STK35: variants seen among roughly 807,000 people sequenced by gnomAD.
The protein encoded by STK35 is serine/threonine-protein kinase 35.
In STK35, 17 loss-of-function variants were observed where a neutral mutation model predicts 37.3. The ratio of observed to expected loss-of-function variants is 0.46; its 90% CI spans 0.31 to 0.68. The LOEUF (loss-of-function observed/expected upper bound fraction) is 0.68, where lower values mean the gene tolerates loss of function less well. Ranked by LOEUF, STK35 falls within the 30% of genes least tolerant of loss-of-function variation. The pLI, the probability that STK35 is intolerant of heterozygous loss-of-function variation, is 0.05. For synonymous variants in STK35, 385 were observed against 319.1 expected, an observed-to-expected ratio of 1.21 and a Z score of -2.20; for missense variants, 595 against 746.7, an observed-to-expected ratio of 0.80 and a Z score of 2.37.
intron 3 of STK35, among the ~76,000 whole-genome samples, chr20:2,122,478 T>C (rs1985836397): frequency 6.6e-6 from 1 of 152,092 alleles, no homozygotes; most frequent in African/African-American, 2.4e-5. Flanking sequence ...TTTGCAAAAA[T>C]AAAAGGAAAT....
At chr20:2,127,771 G>A (rs543233585) in intron 3 of STK35, among the ~76,000 whole-genome samples, 20 of 152,226 alleles carry the variant, frequency 1.3e-4, no homozygotes, top group Middle Eastern at 3.4e-3. Context: ...GACAACAGCC[G>A]TCGTGATAAT....
At chr20:2,103,389 A>T in intron 2 of STK35, 24 bp downstream of exon 2, 1 of 1,597,538 alleles carries the variant, frequency 6.3e-7, no homozygotes, top group Non-Finnish European at 8.5e-7. Flanking sequence ...GGGCCTTTCC[A>T]CCCACGCAGG....
In STK35 at chr20:2,148,250, G is replaced by A; in HGVS notation, c.*4504G>A. On this transcript the variant is annotated 3_prime_UTR_variant, in exon 4 of 4. Transcript: ENST00000381482. ...ACTTCTTAAACATTTGTGTGGGACA[G>A]ACGAGCGTGAGGGAGGTTTTAAGCC... The A allele has an allele frequency of 6.5e-6, 1 of 152,674 alleles. No homozygotes were observed. Among genetic ancestry groups the A allele is most frequent in the East Asian group, 1.9e-4 (1 of 5,198 alleles). The allele number at this position is 152,674 out of a possible 1,614,324, so 9.5% of individuals were successfully genotyped here.
intron 3 of STK35, among the ~76,000 whole-genome samples, chr20:2,123,176 G>A (rs532603523): frequency 3.3e-5 from 5 of 152,268 alleles, no homozygotes; most frequent in Admixed American, 2.0e-4. Flanking sequence ...CAAAGCCCTC[G>A]AATGACGTCT....
At chr20:2,127,795 C>G (rs1035992555) in intron 3 of STK35, among the ~76,000 whole-genome samples, 1 of 152,190 alleles carries the variant, frequency 6.6e-6, no homozygotes, top group African/African-American at 2.4e-5. Flanking sequence ...AGACTCGCTC[C>G]TGCTCTTAGA....
chr20:2,102,989 C>T lies in STK35; in HGVS notation c.516C>T (p.Ala172=), dbSNP rs1985434203. 7 of 1,420,452 alleles carry T rather than the reference C, an allele frequency of 4.9e-6. No individual in the cohort carries two copies. Among genetic ancestry groups the T allele is most frequent in the South Asian group, 1.5e-5 (1 of 67,832 alleles). 88.0% of individuals were successfully genotyped at this position (1,420,452 alleles called of 1,614,324 possible). ...TGAGGCCGGCGGCGGCGGCCCGGGC[C>T]ATGGATCCGGTGGCGGCCGAGGCCC... ...TKLRPAAAAR[A]MDPVAAEAPG... The change falls in exon 2 of 4, where the codon GCC becomes GCT. Residue 172 remains alanine, a synonymous_variant. Coordinates refer to ENST00000381482, the MANE Select transcript of STK35 (RefSeq NM_080836.4).
chr20:2,120,584 CAG>C (rs1425890437), intron 3 of STK35, among the ~76,000 whole-genome samples: 1 of 152,178 alleles, frequency 6.6e-6, no homozygotes, highest in African/African-American at 2.4e-5. Flanking sequence ...TCTGGCTGGT[CAG>C]AGAATCTGAG....
rs924961698 is a variant in STK35, at chr20:2,147,548, C to G, written c.*3802C>G. 2 of 152,192 alleles carry G rather than the reference C, an allele frequency of 1.3e-5. No individual in the cohort carries two copies. Among genetic ancestry groups the G allele is most frequent in the African/African-American group, 4.8e-5 (2 of 41,394 alleles). 9.4% of individuals were successfully genotyped at this position (152,192 alleles called of 1,614,324 possible). Reference sequence around the variant, plus strand: ...AAAAGCAGGAGTCAGGCTGCCACCCCCTAAGGAGGGACCCTAACGTTCTGC... The same window carrying G: ...AAAAGCAGGAGTCAGGCTGCCACCCGCTAAGGAGGGACCCTAACGTTCTGC... On this transcript the variant is annotated 3_prime_UTR_variant, in exon 4 of 4. Coordinates refer to ENST00000381482, the MANE Select transcript of STK35 (RefSeq NM_080836.4).
chr20:2,136,250 A>G (rs1986085423), intron 3 of STK35, among the ~76,000 whole-genome samples: 1 of 152,242 alleles, frequency 6.6e-6, no homozygotes, highest in Admixed American at 6.5e-5. Flanking sequence ...TAAGGGGAAT[A>G]GTAGCAGAGA....
intron 2 of STK35, among the ~76,000 whole-genome samples, chr20:2,115,618 A>G (rs1304771794): frequency 7.9e-5 from 12 of 152,210 alleles, no homozygotes; most frequent in African/African-American, 2.7e-4. Context: ...TTGCTTTATA[A>G]AGAACATTGA....
At position 2,102,758 on chromosome 20, in the gene STK35, T is replaced by C; in HGVS notation, c.295-10T>C. 4 of 1,418,086 alleles carry C rather than the reference T, an allele frequency of 2.8e-6. No individual in the cohort carries two copies. The highest frequency in any genetic ancestry group is 3.7e-6 in the Non-Finnish European group (4 of 1,081,556). The allele number at this position is 1,418,086 out of a possible 1,614,324, so 87.8% of individuals were successfully genotyped here. A position where few individuals can be genotyped will look rare whatever the true frequency, so the allele number is the denominator to read the frequency against. On this transcript the variant is annotated splice_polypyrimidine_tract_variant and intron_variant, in intron 1 of 3. Coordinates refer to ENST00000381482, the MANE Select transcript of STK35 (RefSeq NM_080836.4). Reference sequence around the variant, plus strand: ...TGGCCTGGCCGTTTAACCGATTCTTTCGCCCGCAGGTCACAATCCAAGGTC... The same window carrying C: ...TGGCCTGGCCGTTTAACCGATTCTTCCGCCCGCAGGTCACAATCCAAGGTC...
chr20:2,119,782 C>CACG (rs1340109942), intron 3 of STK35, among the ~76,000 whole-genome samples: 1 of 152,198 alleles, frequency 6.6e-6, no homozygotes, highest in Non-Finnish European at 1.5e-5. Flanking sequence ...AGCCATAAGG[C>CACG]ACGGAGCTTT....
At chr20:2,119,901 A>G (rs1268782676) in intron 3 of STK35, among the ~76,000 whole-genome samples, 1 of 152,122 alleles carries the variant, frequency 6.6e-6, no homozygotes, top group South Asian at 2.1e-4. Flanking sequence ...TTCTCAGTGA[A>G]TGTATTTCTC....
At chr20:2,135,373 G>A (rs1038538559) in intron 3 of STK35, among the ~76,000 whole-genome samples, 5 of 152,184 alleles carry the variant, frequency 3.3e-5, no homozygotes, top group Admixed American at 3.3e-4. Flanking sequence ...TCAGTTCCTT[G>A]TAGGGCTGCC....
chr20:2,101,941 G>A lies in STK35; in HGVS notation c.60G>A (p.Lys20=). 3.3e-6 allele frequency: 5 copies of A among 1,504,490 alleles called. No homozygotes were observed. Among genetic ancestry groups the A allele is most frequent in the Admixed American group, 2.0e-5 (1 of 49,450 alleles). The allele number at this position is 1,504,490 out of a possible 1,614,324, so 93.2% of individuals were successfully genotyped here. Residue 20 remains lysine (K), a synonymous_variant, in exon 1 of 4, where the codon AAG becomes AAA. Coordinates refer to ENST00000381482, the MANE Select transcript of STK35 (RefSeq NM_080836.4). The part of the protein sequence containing the change: ...RAPAGGAAYV[K]RLCKGLSWRE... Reference sequence around the variant, plus strand: ...CGGCGGGAGGTGCAGCTTATGTAAAGAGGTTATGTAAAGGGCTCAGCTGGC... The same window carrying A: ...CGGCGGGAGGTGCAGCTTATGTAAAAAGGTTATGTAAAGGGCTCAGCTGGC...
At chr20:2,132,368 G>A (rs1033134294) in intron 3 of STK35, among the ~76,000 whole-genome samples, 10 of 152,264 alleles carry the variant, frequency 6.6e-5, no homozygotes, top group Non-Finnish European at 1.0e-4. Flanking sequence ...GCCATAGCAC[G>A]TCCAAAGACA....
chr20:2,133,896 G>A (rs1986040047), intron 3 of STK35, among the ~76,000 whole-genome samples: 1 of 152,158 alleles, frequency 6.6e-6, no homozygotes, highest in African/African-American at 2.4e-5. Flanking sequence ...TCTCTTTGCA[G>A]CAGCATGCTG....
At chr20:2,128,327 C>T (rs1425812504) in intron 3 of STK35, among the ~76,000 whole-genome samples, 2 of 152,268 alleles carry the variant, frequency 1.3e-5, no homozygotes, top group Admixed American at 6.5e-5. Flanking sequence ...GTGTGAGAAT[C>T]GGGAGGGCCT....
chr20:2,117,459 A>C lies in STK35; in HGVS notation c.*37+44A>C. 8.6e-6 allele frequency: 10 copies of C among 1,166,288 alleles called. No individual in the cohort carries two copies. Among genetic ancestry groups the C allele is most frequent in the South Asian group, 1.5e-5 (1 of 65,302 alleles). The allele number at this position is 1,166,288 out of a possible 1,614,324, so 72.2% of individuals were successfully genotyped here. A position where few individuals can be genotyped will look rare whatever the true frequency, so the allele number is the denominator to read the frequency against. ...TGTTTTTTGTTTTTTGTTTTGAGAC[A>C]GGGTCTCACTCTGTTGGTCAGGCTG... is the stretch of plus-strand genomic sequence containing the variant. On this transcript the variant is annotated intron_variant, in intron 3 of 3. Coordinates refer to ENST00000381482, the MANE Select transcript of STK35 (RefSeq NM_080836.4). The surrounding 1 kb of genome is among the most constrained non-coding windows in gnomAD (Gnocchi z 4.4).
Sources: allele counts gnomAD v4.1 joint callset (sites outside exome capture counted in the v4.1 genomes callset), GRCh38; gene constraint gnomAD v4.1.1; non-coding constraint Gnocchi (gnomAD v3.1); transcripts MANE v1.5; gene names NCBI Gene and HGNC (gene_info 2026-07-23, HGNC 2026-07-21).